Variants in RBFOX1 observed in about 807,000 individuals in gnomAD.
RBFOX1 encodes the protein RNA binding fox-1 homolog 1, also known as RNA binding protein fox-1 homolog 1.
Under a neutral mutation model 57.7 loss-of-function variants are expected in RBFOX1, and 8 were observed. The observed-to-expected ratio is 0.14, with a 90% CI of 0.08 to 0.25. RBFOX1 has a LOEUF of 0.25. RBFOX1 is among the 10% of genes least tolerant of loss of function. The pLI, the probability that RBFOX1 is intolerant of heterozygous loss-of-function variation, is 1.00. For synonymous variants in RBFOX1, 326 were observed against 222.4 expected (o/e 1.47, Z -4.15); for missense variants, 611 against 548.5 (o/e 1.11, Z -1.14).
At chr16:6,444,655 G>C (rs1255299074) in intron 2 of RBFOX1, among the ~76,000 whole-genome samples, 2 of 151,898 alleles carry the variant, frequency 1.3e-5, no homozygotes, top group Non-Finnish European at 2.9e-5. Flanking sequence ...CTAGTCTTGG[G>C]TATGTCTTTA....
At chr16:6,721,719 C>G (rs1184163699) in intron 3 of RBFOX1, 2 of 152,062 alleles carry the variant, frequency 1.3e-5, no homozygotes, top group Non-Finnish European at 2.9e-5. Flanking sequence ...TTATTTAATT[C>G]ATTAATGTAT....
At chr16:6,478,443 T>A (rs1212356363) in intron 2 of RBFOX1, among the ~76,000 whole-genome samples, 61 of 121,764 alleles carry the variant, frequency 5.0e-4, no homozygotes, top group African/African-American at 2.0e-3. Context: ...TTTTTTTTTT[T>A]TTTTGTATTT....
intron 2 of RBFOX1, among the ~76,000 whole-genome samples, chr16:6,621,366 A>G (rs1212281614): frequency 6.6e-6 from 1 of 152,172 alleles, no homozygotes; most frequent in African/African-American, 2.4e-5. Flanking sequence ...CGGGAGGCTG[A>G]GGCAGGAGAA....
intron 4 of RBFOX1, among the ~76,000 whole-genome samples, chr16:7,355,595 G>C (rs1016813179): frequency 6.6e-6 from 1 of 152,148 alleles, no homozygotes; most frequent in Admixed American, 6.5e-5. Context: ...TTATCTAACA[G>C]CATGTTTTGG....
intron 4 of RBFOX1, among the ~76,000 whole-genome samples, chr16:7,063,468 G>A (rs1037987701): frequency 5.9e-5 from 9 of 152,148 alleles, no homozygotes; most frequent in African/African-American, 2.2e-4. Context: ...TTTATAACAA[G>A]TGCCATTTCC....
chr16:7,350,917 C>G (rs901109437), intron 4 of RBFOX1, among the ~76,000 whole-genome samples: 1 of 152,122 alleles, frequency 6.6e-6, no homozygotes, highest in African/African-American at 2.4e-5. Flanking sequence ...AAGAATGCAT[C>G]CAAAGGGGTT....
chr16:6,261,193 AT>A (rs1176020752), intron 1 of RBFOX1, among the ~76,000 whole-genome samples: 3 of 152,178 alleles, frequency 2.0e-5, no homozygotes, highest in Non-Finnish European at 4.4e-5. Context: ...TGGCTTTCAC[AT>A]TCCCAGTGGA....
chr16:7,255,455 A>G (rs1278509036), intron 4 of RBFOX1, among the ~76,000 whole-genome samples: 2 of 152,240 alleles, frequency 1.3e-5, no homozygotes, highest in African/African-American at 4.8e-5. Context: ...ACATTATTTA[A>G]TGTTTAAACA....
intron 4 of RBFOX1, among the ~76,000 whole-genome samples, chr16:5,949,320 A>G (rs767946565): frequency 2.0e-5 from 3 of 152,012 alleles, no homozygotes; most frequent in Non-Finnish European, 4.4e-5. Flanking sequence ...AGGTCAGGAG[A>G]TCGAGACCAT....
intron 3 of RBFOX1, among the ~76,000 whole-genome samples, chr16:6,909,353 C>A (rs1394280069): frequency 1.3e-5 from 2 of 152,172 alleles, no homozygotes; most frequent in East Asian, 3.9e-4. Context: ...TTTGTGATTA[C>A]TTTGGGTCCA....
chr16:7,706,335 C>T (rs1453581352), intron 14 of RBFOX1, among the ~76,000 whole-genome samples: 1 of 152,176 alleles, frequency 6.6e-6, no homozygotes. Flanking sequence ...GGAGGCAGCT[C>T]ATTTCTGAGG....
intron 3 of RBFOX1, among the ~76,000 whole-genome samples, chr16:5,744,941 T>G (rs2151601576): frequency 6.6e-6 from 1 of 152,058 alleles, no homozygotes; most frequent in South Asian, 2.1e-4. Flanking sequence ...CCTGGCTAAT[T>G]TTTGTATTTT....
intron 4 of RBFOX1, among the ~76,000 whole-genome samples, chr16:5,960,870 G>A (rs769221587): frequency 6.6e-6 from 1 of 152,328 alleles, no homozygotes; most frequent in Non-Finnish European, 1.5e-5. Flanking sequence ...GATCAATGGT[G>A]TTGATAGGCT....
At chr16:6,568,864 G>A (rs117425470) in intron 2 of RBFOX1, among the ~76,000 whole-genome samples, 5,162 of 152,172 alleles carry the variant, frequency 0.034, 108 homozygotes, top group Middle Eastern at 0.068. Context: ...CGCCTCCTGG[G>A]TTTAAGCGAT....
chr16:5,803,180 C>T (rs1224436168), intron 3 of RBFOX1, among the ~76,000 whole-genome samples: 1 of 152,172 alleles, frequency 6.6e-6, no homozygotes, highest in African/African-American at 2.4e-5. Context: ...AAAATAAAAC[C>T]TTACCTCATA....
chr16:7,495,060 A>C (rs2068167756), intron 4 of RBFOX1, among the ~76,000 whole-genome samples: 1 of 152,104 alleles, frequency 6.6e-6, no homozygotes, highest in Non-Finnish European at 1.5e-5. Context: ...TATAAATGAA[A>C]ACATGTGATA....
At chr16:6,291,509 G>A (rs1272456732) in intron 1 of RBFOX1, among the ~76,000 whole-genome samples, 7 of 152,184 alleles carry the variant, frequency 4.6e-5, no homozygotes, top group African/African-American at 7.2e-5. Flanking sequence ...AAAGGGAAAA[G>A]TCAAGCTGGG....
chr16:5,970,127 T>C (rs139052748), intron 4 of RBFOX1, among the ~76,000 whole-genome samples: 2,065 of 152,270 alleles, frequency 0.014, 17 homozygotes, highest in Non-Finnish European at 0.02. Context: ...ACCTGAGGTT[T>C]CTTGCTGCTT....
intron 4 of RBFOX1, among the ~76,000 whole-genome samples, chr16:7,474,793 C>T (rs755497066): frequency 3.3e-5 from 5 of 152,160 alleles, no homozygotes; most frequent in Non-Finnish European, 5.9e-5. Context: ...GAGTATAAAG[C>T]GTTCACCATG....
Sources: gnomAD v4.1 joint callset for allele counts (sites outside exome capture counted in the v4.1 genomes callset) on GRCh38, gnomAD v4.1.1 for gene constraint, MANE v1.5 for transcripts, NCBI Gene and HGNC (gene_info 2026-07-23, HGNC 2026-07-21) for gene names.